Variants in KIF13B observed in about 807,000 individuals in gnomAD.
The protein encoded by KIF13B is kinesin family member 13B, also known as kinesin-like protein KIF13B.
A neutral mutation model predicts 222.0 loss-of-function variants in KIF13B; 127 were observed. The ratio of observed to expected loss-of-function variants is 0.57; its 90% CI spans 0.50 to 0.66. The LOEUF (loss-of-function observed/expected upper bound fraction) is 0.66. KIF13B is among the 30% of genes least tolerant of loss of function. The pLI is 0.00. For synonymous variants in KIF13B, 976 were observed against 919.0 expected (o/e 1.06, Z -1.12); for missense variants, 2,173 against 2,379.0 (o/e 0.91, Z 1.80).
chr8:29,146,303 TTAAATAACACCA>T, intron 18 of KIF13B, 63 bp downstream of exon 18: 1 of 1,502,478 alleles, frequency 6.7e-7, no homozygotes, highest in Non-Finnish European at 9.3e-7. Context: ...GATCTGAAGC[TTAAATAACACCA>T]GGAAATATCA....
chr8:29,135,867 T>C (rs1165672926), intron 21 of KIF13B, among the ~76,000 whole-genome samples: 1 of 152,156 alleles, frequency 6.6e-6, no homozygotes, highest in African/African-American at 2.4e-5. Flanking sequence ...TGCACTCTAC[T>C]CTGGGTGACA....
At chr8:29,221,534 G>A (rs1320884558) in intron 2 of KIF13B, among the ~76,000 whole-genome samples, 2 of 151,720 alleles carry the variant, frequency 1.3e-5, no homozygotes, top group Non-Finnish European at 2.9e-5. Flanking sequence ...AATGAAATAG[G>A]AGAAGAGGTA....
chr8:29,194,574 G>A (rs1317756918), intron 3 of KIF13B, among the ~76,000 whole-genome samples: 1 of 152,156 alleles, frequency 6.6e-6, no homozygotes, highest in East Asian at 1.9e-4. Context: ...CCACAGCCTG[G>A]CACAAAGTTG....
At chr8:29,228,472 A>AAAAAAAAAAAAATAT in intron 2 of KIF13B, among the ~76,000 whole-genome samples, 3 of 117,082 alleles carry the variant, frequency 2.6e-5, no homozygotes, top group African/African-American at 9.8e-5. Context: ...ATCTTAAAAA[A>AAAAAAAAAAAAATAT]ATATATATAT....
intron 37 of KIF13B, among the ~76,000 whole-genome samples, chr8:29,082,052 T>C (rs1217164044): frequency 6.6e-6 from 1 of 152,262 alleles, no homozygotes; most frequent in East Asian, 1.9e-4. Flanking sequence ...AGATTTCATT[T>C]ATTTACTCAT....
intron 1 of KIF13B, among the ~76,000 whole-genome samples, chr8:29,247,113 G>A (rs1816060161): frequency 6.6e-6 from 1 of 152,200 alleles, no homozygotes; most frequent in Non-Finnish European, 1.5e-5. Flanking sequence ...GGCTGGGCAT[G>A]GTGGCTCATG....
At position 29,147,510 on chromosome 8, in the gene KIF13B, C is replaced by T. The variant is rs763012855; in HGVS notation, c.1906G>A (p.Glu636Lys). 16 of 1,613,620 alleles carry T rather than the reference C, an allele frequency of 9.9e-6. No individual in the cohort carries two copies. The highest frequency in any genetic ancestry group is 1.6e-4 in the Middle Eastern group (1 of 6,084). ...LERQRLMYEH[E>K]LEQLRRRLSP... Reference sequence around the variant, plus strand: ...AGCCTTCTCCGGAGCTGCTCCAATTCGTGCTCATACATAAGCCTCTGGCGC... The same window carrying T: ...AGCCTTCTCCGGAGCTGCTCCAATTTGTGCTCATACATAAGCCTCTGGCGC... Residue 636 changes from glutamate (E) to lysine (K), a missense_variant, in exon 17 of 40, where the codon GAA becomes AAA. Transcript: ENST00000524189.
chr8:29,176,313 G>A (rs1812475009), intron 9 of KIF13B, 134 bp from the exon 10 acceptor site: 1 of 612,446 alleles, frequency 1.6e-6, no homozygotes, highest in Admixed American at 3.0e-5. Flanking sequence ...TTGCCGCTCA[G>A]TTCAAAAGCA....
intron 21 of KIF13B, chr8:29,138,666 C>T (rs1810671956): frequency 6.6e-6 from 1 of 152,170 alleles, no homozygotes; most frequent in South Asian, 2.1e-4. Flanking sequence ...ACCTAACTAC[C>T]AATTTTCAGC....
intron 2 of KIF13B, among the ~76,000 whole-genome samples, chr8:29,244,231 T>C (rs1586978558): frequency 6.6e-6 from 1 of 152,220 alleles, no homozygotes; most frequent in East Asian, 1.9e-4. Context: ...GCCAGGATGG[T>C]CTCGATCTCC....
chr8:29,226,060 G>T (rs777123639), intron 2 of KIF13B, among the ~76,000 whole-genome samples: 2 of 151,218 alleles, frequency 1.3e-5, no homozygotes, highest in Non-Finnish European at 2.9e-5. Flanking sequence ...GAGGTTTTAT[G>T]AAAACATACC....
At chr8:29,228,830 C>A (rs1356142873) in intron 2 of KIF13B, among the ~76,000 whole-genome samples, 1 of 152,062 alleles carries the variant, frequency 6.6e-6, no homozygotes, top group Non-Finnish European at 1.5e-5. Context: ...CTCAGGCTCT[C>A]ACCTAACTCT....
chr8:29,129,613 T>C lies in KIF13B; in HGVS notation c.3075+920A>G, dbSNP rs1810259412. The stretch of plus-strand genomic sequence containing the variant: ...TTAAAGTATGGAAACTCATAGAATA[T>C]GGCAGTCTCCTAAACAATGCATTAA... On this transcript the variant is annotated intron_variant, in intron 24 of 39. Coordinates refer to ENST00000524189, the MANE Select transcript of KIF13B (RefSeq NM_015254.4). 2.0e-5 allele frequency among the ~76,000 whole-genome samples: 3 copies of C among 151,916 alleles called. No individual in the cohort carries two copies. The South Asian group carries it at 6.2e-4, about 32-fold the overall frequency.
intron 20 of KIF13B, 73 bp downstream of exon 20, chr8:29,140,395 C>T (rs1460301495): frequency 3.3e-6 from 5 of 1,509,444 alleles, no homozygotes. Context: ...AAAATAGCAA[C>T]AATATCCCAT....
intron 3 of KIF13B, among the ~76,000 whole-genome samples, chr8:29,193,124 G>A (rs1813262426): frequency 1.3e-5 from 2 of 152,162 alleles, no homozygotes; most frequent in African/African-American, 4.8e-5. Context: ...CCTGTTCCCT[G>A]GATGGGGCTG....
chr8:29,107,874 T>C (rs1809166740), intron 35 of KIF13B, among the ~76,000 whole-genome samples: 1 of 152,166 alleles, frequency 6.6e-6, no homozygotes, highest in African/African-American at 2.4e-5. Flanking sequence ...GTTTCTTTTC[T>C]GACAGAAATA....
intron 21 of KIF13B, among the ~76,000 whole-genome samples, chr8:29,139,749 G>A (rs1243374463): frequency 6.6e-6 from 1 of 151,766 alleles, no homozygotes; most frequent in Non-Finnish European, 1.5e-5. Flanking sequence ...GCCCCTCGCT[G>A]ACTTCCTGTC....
At chr8:29,109,785 T>C in intron 33 of KIF13B, 133 bp downstream of exon 33, 1 of 894,418 alleles carries the variant, frequency 1.1e-6, no homozygotes, top group Non-Finnish European at 1.7e-6. Flanking sequence ...ACAATCACTC[T>C]GGATTATTCA....
intron 18 of KIF13B, among the ~76,000 whole-genome samples, chr8:29,142,649 G>A (rs1301516892): frequency 6.6e-6 from 1 of 152,074 alleles, no homozygotes; most frequent in East Asian, 1.9e-4. Flanking sequence ...AGACCAGCCT[G>A]GCCAACATGG....
Sources: allele counts gnomAD v4.1 joint callset (sites outside exome capture counted in the v4.1 genomes callset), GRCh38; gene constraint gnomAD v4.1.1; transcripts MANE v1.5; gene names NCBI Gene and HGNC (gene_info 2026-07-23, HGNC 2026-07-21).